SFI1: variants seen among roughly 807,000 people sequenced by gnomAD.
SFI1 encodes the protein SFI1 centrin binding protein.
In SFI1, 195 loss-of-function variants were observed where a neutral mutation model predicts 207.5. The ratio of observed to expected loss-of-function variants is 0.94; its 90% CI spans 0.84 to 1.06. SFI1 has a LOEUF of 1.06. Ranked by LOEUF, SFI1 falls within the 50% of genes least tolerant of loss-of-function variation. The probability of loss-of-function intolerance (pLI) is 0.00; values close to 1 mark genes in which losing one functional copy is unlikely to be tolerated. For synonymous variants in SFI1, 630 were observed against 598.9 expected (o/e 1.05, Z -0.76); for missense variants, 1,634 against 1,588.0 (o/e 1.03, Z -0.49).
At chr22:31,573,955 C>T (rs927312936) in intron 9 of SFI1, among the ~76,000 whole-genome samples, 1 of 152,090 alleles carries the variant, frequency 6.6e-6, no homozygotes, top group African/African-American at 2.4e-5. Context: ...TAGCCATTCT[C>T]CTATTAATAG....
chr22:31,590,966 TATTTATTTA>T (rs2065790524), intron 15 of SFI1, among the ~76,000 whole-genome samples: 1 of 148,536 alleles, frequency 6.7e-6, no homozygotes, highest in African/African-American at 2.5e-5. Flanking sequence ...TTTATTTATT[TATTTATTTA>T]TTTATTTTTT....
intron 4 of SFI1, among the ~76,000 whole-genome samples, chr22:31,539,528 A>G (rs1254597093): frequency 1.3e-5 from 2 of 152,066 alleles, no homozygotes; most frequent in Non-Finnish European, 1.5e-5. Context: ...TTTTAATAGT[A>G]TCCTGGAGGC....
intron 7 of SFI1, among the ~76,000 whole-genome samples, chr22:31,560,484 C>T (rs1364814707): frequency 6.6e-6 from 1 of 150,528 alleles, no homozygotes; most frequent in Non-Finnish European, 1.5e-5. Context: ...TCACAGCCAC[C>T]TCTGCCTCCT....
chr22:31,585,456 T>C (rs1430919338), intron 14 of SFI1, among the ~76,000 whole-genome samples: 1 of 152,164 alleles, frequency 6.6e-6, no homozygotes, highest in Non-Finnish European at 1.5e-5. Flanking sequence ...CTGCAAGAGG[T>C]ACAGGGAGAG....
At chr22:31,608,546 G>A (rs1181720238) in intron 22 of SFI1, among the ~76,000 whole-genome samples, 2 of 152,074 alleles carry the variant, frequency 1.3e-5, no homozygotes, top group East Asian at 3.9e-4. Context: ...GGTGTGGAGG[G>A]GGCACTGTTC....
intron 15 of SFI1, among the ~76,000 whole-genome samples, chr22:31,595,988 C>T (rs1171471136): frequency 1.3e-5 from 2 of 152,264 alleles, no homozygotes; most frequent in Middle Eastern, 3.4e-3. Context: ...TGTGGCGGCT[C>T]ATGCCTGTAA....
In SFI1 at chr22:31,508,242, C is replaced by CT. The variant is rs2054950589; in HGVS notation, c.-30-8dup. 7.0e-7 allele frequency: 1 copy of CT among 1,426,704 alleles called. No individual in the cohort carries two copies. The highest frequency in any genetic ancestry group is 1.7e-5 in the Admixed American group (1 of 59,538). The allele number at this position is 1,426,704 out of a possible 1,614,324, so 88.4% of individuals were successfully genotyped here. On this transcript the variant is annotated splice_polypyrimidine_tract_variant and intron_variant, in intron 1 of 32. Transcript: ENST00000400288. Reference sequence around the variant, plus strand: ...AATCATTTTCTCTCTTTTTTATTCTCTTTTTCTTGTAGTTAGAAGGGGAAG... The same window carrying CT: ...AATCATTTTCTCTCTTTTTTATTCTCTTTTTTCTTGTAGTTAGAAGGGGAAG...
intron 23 of SFI1, 115 bp downstream of exon 23, chr22:31,611,418 T>A (rs1397331053): frequency 1.5e-6 from 2 of 1,317,816 alleles, no homozygotes; most frequent in Non-Finnish European, 2.0e-6. Flanking sequence ...GCAGCCGGTA[T>A]GAGTGGTGGG....
intron 12 of SFI1, 72 bp from the exon 13 acceptor site, chr22:31,583,803 C>T (rs1390907604): frequency 1.4e-5 from 19 of 1,343,178 alleles, no homozygotes; most frequent in Non-Finnish European, 1.8e-5. Flanking sequence ...AGCTCACAGT[C>T]TGTTGGAGTA....
At chr22:31,588,811 C>G (rs946128748) in intron 14 of SFI1, among the ~76,000 whole-genome samples, 11 of 103,736 alleles carry the variant, frequency 1.1e-4, no homozygotes, top group Non-Finnish European at 1.9e-4. Context: ...GACTCTGTCT[C>G]AAAAAAAAAA....
chr22:31,618,382 T>G lies in SFI1; in HGVS notation c.3693T>G (p.Val1231=), dbSNP rs1477988030. Residue 1231 remains valine, a synonymous_variant, in exon 33 of 33, where the codon GTT becomes GTG. Coordinates refer to ENST00000400288, the MANE Select transcript of SFI1 (RefSeq NM_001007467.3). ...QAQRQPIGAC[V]ARIQALRQAL... ...AGCGCCAGCCCATTGGCGCCTGCGT[T>G]GCCCGCATCCAGGCCCTGCGGCAGG... 1 of 1,604,958 alleles carries G rather than the reference T, an allele frequency of 6.2e-7. No homozygotes were observed. Among genetic ancestry groups the G allele is most frequent in the East Asian group, 2.2e-5 (1 of 44,614 alleles).
chr22:31,612,398 A>AAAAAAAAAAATATATATATATAT (rs1556369798), intron 24 of SFI1: 1 of 60,200 alleles, frequency 1.7e-5, no homozygotes, highest in Admixed American at 2.3e-4. Context: ...AAAAAAAAAA[A>AAAAAAAAAAATATATATATATAT]ATATATATAT....
At chr22:31,562,781 C>T (rs982171771) in intron 8 of SFI1, among the ~76,000 whole-genome samples, 2 of 149,646 alleles carry the variant, frequency 1.3e-5, no homozygotes, top group African/African-American at 4.9e-5. Flanking sequence ...CTGCAGGTGC[C>T]CGCCACCACG....
chr22:31,554,761 C>T (rs1374717202), intron 6 of SFI1, among the ~76,000 whole-genome samples: 1 of 152,052 alleles, frequency 6.6e-6, no homozygotes, highest in East Asian at 1.9e-4. Flanking sequence ...TACCTGCCAC[C>T]ACGCCCGGCT....
Position 31,612,649 on chromosome 22 carries a change from G to T in SFI1, c.2491-493G>T, listed in dbSNP as rs983587905. On this transcript the variant is annotated intron_variant, in intron 24 of 32. Transcript: ENST00000400288. ...AGGCGGGAGGATTGCTTGAGCCCGG[G>T]AGGTCAAGGTTGCAGTGAGCTGTGA... The T allele has an allele frequency of 2.9e-4, 46 of 155,974 alleles. 1 individual carries two copies. The highest frequency in any genetic ancestry group is 7.8e-4 in the South Asian group (4 of 5,126). The allele number at this position is 155,974 out of a possible 1,614,324, so 9.7% of individuals were successfully genotyped here.
intron 2 of SFI1, among the ~76,000 whole-genome samples, chr22:31,525,875 T>C (rs1309768530): frequency 6.6e-6 from 1 of 152,214 alleles, no homozygotes; most frequent in East Asian, 1.9e-4. Context: ...TGGTTTATTT[T>C]GAAGTCTGGT....
chr22:31,535,537 T>G (rs1329201585), intron 4 of SFI1, among the ~76,000 whole-genome samples: 1 of 151,180 alleles, frequency 6.6e-6, no homozygotes, highest in East Asian at 2.0e-4. Flanking sequence ...AGAGTCTCGC[T>G]CTGTTGCCCA....
intron 4 of SFI1, among the ~76,000 whole-genome samples, chr22:31,544,639 C>T (rs1051195336): frequency 2.0e-5 from 3 of 151,878 alleles, no homozygotes; most frequent in Non-Finnish European, 4.4e-5. Flanking sequence ...TCTGTAGTCA[C>T]AGCTATTTGG....
chr22:31,503,494 T>A (rs1458951290), intron 1 of SFI1, among the ~76,000 whole-genome samples: 2 of 152,082 alleles, frequency 1.3e-5, no homozygotes, highest in African/African-American at 2.4e-5. Context: ...TTATGGTTCG[T>A]TCCTTTGTAT....
Sources: allele counts gnomAD v4.1 joint callset (sites outside exome capture counted in the v4.1 genomes callset), GRCh38; gene constraint gnomAD v4.1.1; transcripts MANE v1.5; gene names NCBI Gene and HGNC (gene_info 2026-07-23, HGNC 2026-07-21).